The following ANO4 variants were observed in gnomAD, a reference collection of about 807,000 sequenced individuals.
The protein encoded by ANO4 is anoctamin-4.
Under a neutral mutation model 141.9 loss-of-function variants are expected in ANO4, and 69 were observed. That is an observed-to-expected ratio of 0.49 (90% CI 0.40 to 0.59). The LOEUF is 0.59. Ranked by LOEUF, ANO4 falls within the 20% of genes least tolerant of loss-of-function variation. ANO4 has a pLI of 0.00. For synonymous variants in ANO4, 350 were observed against 394.3 expected, an observed-to-expected ratio of 0.89 and a Z score of 1.33; for missense variants, 894 against 1,162.2, an observed-to-expected ratio of 0.77 and a Z score of 3.36.
intron 21 of ANO4, 41 bp from the exon 22 acceptor site, chr12:101,099,537 A>G: frequency 6.5e-7 from 1 of 1,545,562 alleles, no homozygotes; most frequent in Non-Finnish European, 8.7e-7. Context: ...AAGTCATATG[A>G]TCAGTTACAT....
intron 5 of ANO4, among the ~76,000 whole-genome samples, chr12:100,954,994 C>T (rs530260859): frequency 5.6e-4 from 86 of 152,268 alleles, no homozygotes; most frequent in Middle Eastern, 3.4e-3. Flanking sequence ...AAATTCCTTC[C>T]ACCATAACTG....
At chr12:101,080,162 C>T (rs1384583176) in intron 15 of ANO4, among the ~76,000 whole-genome samples, 1 of 152,172 alleles carries the variant, frequency 6.6e-6, no homozygotes, top group Non-Finnish European at 1.5e-5. Flanking sequence ...GAAGGGAACA[C>T]ATGTATATAT....
intron 1 of ANO4, among the ~76,000 whole-genome samples, chr12:100,823,533 T>TA (rs1444238858): frequency 6.6e-6 from 1 of 152,020 alleles, no homozygotes; most frequent in Non-Finnish European, 1.5e-5. Flanking sequence ...CACTTTTACA[T>TA]AAAAGATAGA....
chr12:100,773,380 A>G (rs919311050), intron 3 of ANO4, among the ~76,000 whole-genome samples: 6 of 152,268 alleles, frequency 3.9e-5, no homozygotes, highest in Non-Finnish European at 7.3e-5. Context: ...TCAGAGAGCC[A>G]GGCATTACAG....
intron 3 of ANO4, 63 bp downstream of exon 3, chr12:100,922,393 G>T: frequency 8.8e-7 from 1 of 1,130,038 alleles, no homozygotes; most frequent in South Asian, 1.8e-5. Flanking sequence ...ACTTGGGAGG[G>T]GTAATAAACT....
intron 3 of ANO4, among the ~76,000 whole-genome samples, chr12:100,934,039 C>G (rs992778402): frequency 6.6e-6 from 1 of 152,132 alleles, no homozygotes; most frequent in African/African-American, 2.4e-5. Context: ...TTCTCCCATT[C>G]TGTAGATTTC....
chr12:100,773,878 C>T (rs2033390280), intron 3 of ANO4, among the ~76,000 whole-genome samples: 1 of 152,170 alleles, frequency 6.6e-6, no homozygotes, highest in African/African-American at 2.4e-5. Flanking sequence ...TTGATATGAT[C>T]TAGAAAGGGT....
intron 6 of ANO4, among the ~76,000 whole-genome samples, chr12:100,972,173 C>T (rs550165447): frequency 2.0e-5 from 3 of 152,124 alleles, no homozygotes; most frequent in South Asian, 4.1e-4. Flanking sequence ...TGAGGGGACT[C>T]GAAGAATAAC....
At chr12:100,730,968 G>A (rs1285673065) in intron 1 of ANO4, among the ~76,000 whole-genome samples, 1 of 152,028 alleles carries the variant, frequency 6.6e-6, no homozygotes, top group East Asian at 1.9e-4. Context: ...CAAACCAAGG[G>A]CACCTATAGA....
intron 3 of ANO4, among the ~76,000 whole-genome samples, chr12:100,745,491 G>A (rs992378369): frequency 6.6e-6 from 1 of 152,206 alleles, no homozygotes. Context: ...TGTTCGCTCA[G>A]TGCAGAGCTT....
intron 1 of ANO4, among the ~76,000 whole-genome samples, chr12:100,881,696 C>T (rs1208115013): frequency 1.3e-5 from 2 of 152,216 alleles, no homozygotes; most frequent in Non-Finnish European, 2.9e-5. Flanking sequence ...AGCAGACGAT[C>T]AGTGAGCTTT....
intron 1 of ANO4, among the ~76,000 whole-genome samples, chr12:100,901,286 C>T (rs2040580686): frequency 6.6e-6 from 1 of 152,140 alleles, no homozygotes; most frequent in Non-Finnish European, 1.5e-5. Flanking sequence ...GTGAGTTTAG[C>T]CAACAACTTT....
chr12:100,870,339 A>G (rs2038970724), intron 1 of ANO4, among the ~76,000 whole-genome samples: 1 of 152,238 alleles, frequency 6.6e-6, no homozygotes, highest in Non-Finnish European at 1.5e-5. Context: ...CAAAATAATT[A>G]CATCCCTTTC....
chr12:100,961,714 T>C (rs1285288347), intron 5 of ANO4, among the ~76,000 whole-genome samples: 1 of 152,244 alleles, frequency 6.6e-6, no homozygotes, highest in Admixed American at 6.5e-5. Context: ...TCTTTTTTTG[T>C]ATATATGCTA....
chr12:100,979,867 A>G (rs1281337435), intron 7 of ANO4, among the ~76,000 whole-genome samples: 4 of 149,526 alleles, frequency 2.7e-5, no homozygotes, highest in African/African-American at 9.8e-5. Context: ...AGCTGGGACT[A>G]CAGGCGCCCA....
intron 5 of ANO4, among the ~76,000 whole-genome samples, chr12:100,943,588 C>T (rs1446000330): frequency 1.3e-5 from 2 of 152,034 alleles, no homozygotes; most frequent in Admixed American, 1.3e-4. Flanking sequence ...TGGAATGTCT[C>T]CAAGAGAATT....
chr12:100,774,173 A>G (rs1015707922), intron 3 of ANO4, among the ~76,000 whole-genome samples: 4 of 138,452 alleles, frequency 2.9e-5, no homozygotes, highest in Non-Finnish European at 6.7e-5. Context: ...TGTGCATCCT[A>G]TGTGGTTTTA....
intron 1 of ANO4, among the ~76,000 whole-genome samples, chr12:100,862,219 T>A (rs1387803984): frequency 6.6e-6 from 1 of 152,192 alleles, no homozygotes; most frequent in Non-Finnish European, 1.5e-5. Flanking sequence ...CATGTGCCAC[T>A]GCACCCAGTT....
upstream of ANO4, among the ~76,000 whole-genome samples, chr12:100,790,589 C>G (rs2034010924): frequency 6.6e-6 from 1 of 151,920 alleles, no homozygotes; most frequent in South Asian, 2.1e-4. Context: ...TCACCAGACT[C>G]AGCCTAATTC....
Sources: allele counts gnomAD v4.1 joint callset (sites outside exome capture counted in the v4.1 genomes callset), GRCh38; gene constraint gnomAD v4.1.1; transcripts MANE v1.5; gene names NCBI Gene and HGNC (gene_info 2026-07-23, HGNC 2026-07-21).